The following JMJD1C variants were observed in gnomAD, a reference collection of about 807,000 sequenced individuals.
The protein encoded by JMJD1C is jumonji domain-containing protein 1C.
Under a neutral mutation model 245.3 loss-of-function variants are expected in JMJD1C, and 31 were observed. The ratio of observed to expected loss-of-function variants is 0.13; its 90% CI spans 0.09 to 0.17. The LOEUF (loss-of-function observed/expected upper bound fraction) is 0.17, where lower values mean the gene tolerates loss of function less well. Among genes scored for constraint, JMJD1C ranks in the 10% least tolerant of loss-of-function variants. The pLI is 1.00. For synonymous variants in JMJD1C, 1,057 were observed against 1,017.4 expected (o/e 1.04, Z -0.74); for missense variants, 2,691 against 3,000.2 (o/e 0.90, Z 2.41).
chr10:63,246,921 AC>A (rs1392358937), intron 3 of JMJD1C, among the ~76,000 whole-genome samples: 2 of 151,950 alleles, frequency 1.3e-5, no homozygotes, highest in Non-Finnish European at 2.9e-5. Context: ...CACAAAATCT[AC>A]GGGATTTGGC....
rs755245590 is a variant in JMJD1C, at chr10:63,213,712, G to A, written c.2455C>T (p.His819Tyr). The A allele has an allele frequency of 1.9e-6, 3 of 1,614,078 alleles. No individual in the cohort carries two copies. The highest frequency in any genetic ancestry group is 1.7e-6 in the Non-Finnish European group (2 of 1,180,032). Residue 819 changes from histidine to tyrosine, a missense_variant, in exon 8 of 26, where the codon CAT becomes TAT. This residue lies in a region of JMJD1C where 1,562 missense variants were observed against 1,490.7 expected (regional missense o/e 1.05). Coordinates refer to ENST00000399262, the MANE Select transcript of JMJD1C (RefSeq NM_032776.3). ...GCTAAGTGGCTCAAGCTGCTGGCAT[G>A]AGCACTCTCTAGTCGTGGGTGGCCA... ...LGGHPRLESA[H>Y]ASSLSHLALA... is the part of the protein sequence containing the mutation.
intron 2 of JMJD1C, among the ~76,000 whole-genome samples, chr10:63,379,669 C>T: frequency 6.6e-6 from 1 of 152,178 alleles, no homozygotes; most frequent in African/African-American, 2.4e-5. Flanking sequence ...AAGTTTCATT[C>T]AGCAAAGTTG....
rs761701380 is a variant in JMJD1C, at chr10:63,359,633, T to C, written c.333+20685A>G. 2.6e-5 allele frequency among the ~76,000 whole-genome samples: 4 copies of C among 152,252 alleles called. No homozygotes were observed. The East Asian group carries it at 7.7e-4, about 29-fold the overall frequency. On this transcript the variant is annotated intron_variant, in intron 2 of 25. Coordinates refer to ENST00000399262, the MANE Select transcript of JMJD1C (RefSeq NM_032776.3). ...AATTTTGTGGTCTCAGTACAAGTTTTAACTTTGTTTTAATCTAGTTGAAAT... is the reference window on the plus strand; with the variant it reads ...AATTTTGTGGTCTCAGTACAAGTTTCAACTTTGTTTTAATCTAGTTGAAAT...
intron 1 of JMJD1C, among the ~76,000 whole-genome samples, chr10:63,402,889 G>C (rs1948951246): frequency 1.3e-5 from 2 of 152,086 alleles, no homozygotes; most frequent in South Asian, 4.1e-4. Context: ...TGCTAGTTAA[G>C]TCCCTGAAGA....
rs528850864 is a variant in JMJD1C, at chr10:63,461,840, G to A, written c.168+3655C>T. On this transcript the variant is annotated intron_variant, in intron 1 of 25. Coordinates refer to ENST00000399262, the MANE Select transcript of JMJD1C (RefSeq NM_032776.3). Reference sequence around the variant, plus strand: ...TATGGATGAATGGATGGATAGATAAGCAAATAAATAAATCACTGAGATCAT... The same window carrying A: ...TATGGATGAATGGATGGATAGATAAACAAATAAATAAATCACTGAGATCAT... 2.0e-5 allele frequency among the ~76,000 whole-genome samples: 3 copies of A among 152,178 alleles called. No individual in the cohort carries two copies. In the East Asian group the frequency reaches 5.8e-4, roughly 29 times the overall value.
intron 2 of JMJD1C, chr10:63,301,777 C>T (rs758444693): frequency 1.8e-4 from 78 of 435,266 alleles, no homozygotes; most frequent in Non-Finnish European, 3.0e-4. Context: ...TGTAACAAAC[C>T]GGCACGTTCT....
At chr10:63,292,610 C>CG (rs1365272239) in intron 2 of JMJD1C, among the ~76,000 whole-genome samples, 3 of 151,106 alleles carry the variant, frequency 2.0e-5, no homozygotes, top group Non-Finnish European at 4.4e-5. Flanking sequence ...GACTCTGTCT[C>CG]AAAAAAATAA....
chr10:63,481,415 T>C (rs1339497942), intron 1 of JMJD1C, among the ~76,000 whole-genome samples: 3 of 152,212 alleles, frequency 2.0e-5, no homozygotes, highest in African/African-American at 7.2e-5. Context: ...ACACATTTCC[T>C]TTTATGAAAA....
Position 63,190,935 on chromosome 10 carries a change from C to G in JMJD1C, c.6250G>C (p.Ala2084Pro). ...AGKLRVGSTDAGIAFAPVYSM... is the reference protein window; with the variant it reads ...AGKLRVGSTDPGIAFAPVYSM... ...TATACTGGGGCAAAGGCAATGCCAG[C>G]ATCTGTAGACCCCACACGTAGCTTT... is the stretch of plus-strand genomic sequence containing the variant. The change falls in exon 17 of 26, where the codon GCT becomes CCT. Residue 2084 changes from alanine to proline, a missense_variant. Coordinates refer to ENST00000399262, the MANE Select transcript of JMJD1C (RefSeq NM_032776.3). 1.9e-6 allele frequency: 3 copies of G among 1,614,068 alleles called. No individual in the cohort carries two copies. Among genetic ancestry groups the G allele is most frequent in the Non-Finnish European group, 2.5e-6 (3 of 1,179,930 alleles).
At chr10:63,272,078 A>G (rs1160477125) in intron 2 of JMJD1C, among the ~76,000 whole-genome samples, 1 of 151,964 alleles carries the variant, frequency 6.6e-6, no homozygotes, top group Non-Finnish European at 1.5e-5. Context: ...GTCTCAAAAA[A>G]AAAAAAAAAG....
rs1337629053 is a variant in JMJD1C at position 63,176,339 on chromosome 10, G to A, written c.7359C>T (p.Phe2453=). ...YGVRTCTLIQ[F]LGDAIVLPAG... is the part of the protein sequence containing the mutation. ...CTGGCAAAACAATAGCATCACCAAG[G>A]AACTGAATAAGAGTACAGGTTCTGA... Residue 2453 remains phenylalanine, a synonymous_variant, in exon 24 of 26, where the codon TTC becomes TTT. Coordinates refer to ENST00000399262, the MANE Select transcript of JMJD1C (RefSeq NM_032776.3). 6.2e-7 allele frequency: 1 copy of A among 1,613,572 alleles called. No homozygotes were observed. Among genetic ancestry groups the A allele is most frequent in the Non-Finnish European group, 8.5e-7 (1 of 1,179,792 alleles).
intron 1 of JMJD1C, among the ~76,000 whole-genome samples, chr10:63,479,177 A>T (rs545864953): frequency 6.6e-6 from 1 of 151,868 alleles, no homozygotes; most frequent in African/African-American, 2.4e-5. Context: ...TGTTTCAAAA[A>T]TTTTCAAACT....
intron 24 of JMJD1C, 42 bp from the exon 25 acceptor site, chr10:63,168,608 G>C: frequency 1.3e-6 from 2 of 1,512,100 alleles, no homozygotes; most frequent in Non-Finnish European, 1.8e-6. Context: ...GTTTTAGGAG[G>C]TGGAGCAAAG....
At chr10:63,247,221 A>C (rs1852339441) in intron 3 of JMJD1C, among the ~76,000 whole-genome samples, 1 of 151,902 alleles carries the variant, frequency 6.6e-6, no homozygotes, top group Non-Finnish European at 1.5e-5. Context: ...CTGAGGAAAA[A>C]AAGGAGAAGA....
chr10:63,423,427 T>C (rs1440909596), intron 1 of JMJD1C, among the ~76,000 whole-genome samples: 1 of 152,228 alleles, frequency 6.6e-6, no homozygotes, highest in Non-Finnish European at 1.5e-5. Context: ...TGTGTCTGGC[T>C]TACTTCACAT....
intron 2 of JMJD1C, among the ~76,000 whole-genome samples, chr10:63,294,171 G>T (rs182952193): frequency 1.8e-3 from 269 of 151,988 alleles, no homozygotes; most frequent in Admixed American, 5.4e-3. Flanking sequence ...GTTCACTATG[G>T]TCATTTTCGT....
At chr10:63,345,768 A>G (rs1943764032) in intron 2 of JMJD1C, among the ~76,000 whole-genome samples, 1 of 152,122 alleles carries the variant, frequency 6.6e-6, no homozygotes, top group African/African-American at 2.4e-5. Flanking sequence ...ATTTGCCCAA[A>G]CTCAAAAAAT....
In JMJD1C at chr10:63,208,057, A is replaced by G; in HGVS notation, c.3612T>C (p.His1204=). Residue 1204 remains histidine, a synonymous_variant, in exon 10 of 26, where the codon CAT becomes CAC. Coordinates refer to ENST00000399262, the MANE Select transcript of JMJD1C (RefSeq NM_032776.3). ...TNTLRSMPAL[H]RAPVFHPPIH... ...TTGGTGGGTGAAATACTGGTGCTCT[A>G]TGTAATGCAGGCATACTGCGGAGTG... 1 of 1,614,148 alleles carries G rather than the reference A, an allele frequency of 6.2e-7. No homozygotes were observed. The highest frequency in any genetic ancestry group is 8.5e-7 in the Non-Finnish European group (1 of 1,180,008).
At chr10:63,494,010 T>TA (rs1438080492) in intron 1 of JMJD1C, among the ~76,000 whole-genome samples, 3 of 152,182 alleles carry the variant, frequency 2.0e-5, no homozygotes, top group Non-Finnish European at 4.4e-5. Context: ...TGACTCAGAA[T>TA]ACTTTTCAAA....
Sources: allele counts gnomAD v4.1 joint callset (sites outside exome capture counted in the v4.1 genomes callset), GRCh38; gene constraint gnomAD v4.1.1; regional missense constraint gnomAD v4.1.1; transcripts MANE v1.5; gene names NCBI Gene and HGNC (gene_info 2026-07-23, HGNC 2026-07-21).